The following SPATA1 variants were observed in gnomAD, a reference collection of about 807,000 sequenced individuals.
SPATA1 encodes spermatogenesis-associated protein 1.
SPATA1 carries 57 observed loss-of-function variants against 59.6 expected under a neutral mutation model. That is an observed-to-expected ratio of 0.96 (90% CI 0.77 to 1.19). The LOEUF (loss-of-function observed/expected upper bound fraction) is 1.19, where lower values mean the gene tolerates loss of function less well. Among genes scored for constraint, SPATA1 ranks in the 50% most tolerant of loss-of-function variants. SPATA1 has a pLI of 0.00. For missense variants in SPATA1, 448 were observed against 480.7 expected, an observed-to-expected ratio of 0.93 and a Z score of 0.64; for synonymous variants, 147 against 163.9, an observed-to-expected ratio of 0.90 and a Z score of 0.79.
intron 1 of SPATA1, 79 bp from the exon 2 acceptor site, chr1:84,516,144 A>G (rs982849310): frequency 6.5e-6 from 3 of 461,628 alleles, no homozygotes; most frequent in Non-Finnish European, 1.1e-5. Context: ...AATAATAAAG[A>G]TTGTATATAT....
At chr1:84,553,085 A>G in exon 13 of SPATA1, 1 of 1,529,314 alleles carries the variant, frequency 6.5e-7, no homozygotes, top group Non-Finnish European at 8.8e-7. Context: ...CTGAACTGGC[A>G]CAGAAAAAAA....
At chr1:84,559,273 G>C (rs1211198077), downstream of SPATA1, among the ~76,000 whole-genome samples, 1 of 152,120 alleles carries the variant, frequency 6.6e-6, no homozygotes, top group African/African-American at 2.4e-5. Context: ...AGTGGTCTTT[G>C]ATGCTACTAT....
chr1:84,527,176 G>T (rs1683260391), intron 6 of SPATA1, among the ~76,000 whole-genome samples: 1 of 152,070 alleles, frequency 6.6e-6, no homozygotes, highest in Admixed American at 6.5e-5. Context: ...TTTAATAGAT[G>T]TTGTCTTTAG....
At chr1:84,516,874 C>A (rs936614684) in intron 2 of SPATA1, among the ~76,000 whole-genome samples, 3 of 152,144 alleles carry the variant, frequency 2.0e-5, no homozygotes, top group Non-Finnish European at 2.9e-5. Context: ...ACTTTAAATT[C>A]ATGACCATGA....
At chr1:84,558,078 A>C (rs934430832), downstream of SPATA1, among the ~76,000 whole-genome samples, 7 of 152,090 alleles carry the variant, frequency 4.6e-5, no homozygotes, top group African/African-American at 1.4e-4. Context: ...AAATACAAGA[A>C]ATCTACTGTA....
At chr1:84,552,850 T>C in intron 12 of SPATA1, 1 of 515,160 alleles carries the variant, frequency 1.9e-6, no homozygotes, top group Non-Finnish European at 3.4e-6. Flanking sequence ...TAGATAAGCA[T>C]GCTTATTAAA....
chr1:84,508,800 A>G (rs1039634972), intron 1 of SPATA1, among the ~76,000 whole-genome samples: 1 of 152,214 alleles, frequency 6.6e-6, no homozygotes, highest in Non-Finnish European at 1.5e-5. Flanking sequence ...AAGGAAATTG[A>G]AGTTTGGAGA....
At chr1:84,545,898 C>A in intron 10 of SPATA1, 139 bp downstream of exon 10, 1 of 560,158 alleles carries the variant, frequency 1.8e-6, no homozygotes, top group Non-Finnish European at 2.7e-6. Flanking sequence ...TGATTAAGTT[C>A]AATATAGAAA....
At chr1:84,546,110 C>T (rs1270459402) in intron 10 of SPATA1, among the ~76,000 whole-genome samples, 1 of 152,132 alleles carries the variant, frequency 6.6e-6, no homozygotes, top group African/African-American at 2.4e-5. Flanking sequence ...TTGTCCCTGC[C>T]CACATAGATC....
At position 84,520,676 on chromosome 1, in the gene SPATA1, C is replaced by A; in HGVS notation, c.128C>A (p.Ser43Ter). 3.2e-6 allele frequency: 5 copies of A among 1,561,482 alleles called. No individual in the cohort carries two copies. Among genetic ancestry groups the A allele is most frequent in the Admixed American group, 1.9e-5 (1 of 51,516 alleles). ...ACAGAAGTTGTTAACAAATTCATTT[C>A]AGCTGGATTTCTAAGGCAAGTGTTG... Residue 43 changes from serine (S) to a stop codon, truncating the protein, a stop_gained, in exon 3 of 13, where the codon TCA (serine) becomes TAA (stop). Coordinates refer to ENST00000490879, the Ensembl canonical transcript of SPATA1. LOFTEE classifies it high-confidence loss of function.
exon 13 of SPATA1, chr1:84,553,741 C>A (rs151000202): frequency 6.6e-6 from 1 of 152,034 alleles, no homozygotes; most frequent in African/African-American, 2.4e-5. Flanking sequence ...ATTCTCATAA[C>A]AGATGGTTCA....
At chr1:84,539,474 T>TA (rs1683830535) in intron 8 of SPATA1, among the ~76,000 whole-genome samples, 1 of 152,242 alleles carries the variant, frequency 6.6e-6, no homozygotes, top group African/African-American at 2.4e-5. Context: ...TCCTCAATAA[T>TA]ACATACTGTC....
rs142765367 is a variant in SPATA1, at chr1:84,549,234, G to C, written c.1125+270G>C. On this transcript the variant is annotated intron_variant, in intron 11 of 12. Transcript: ENST00000490879. ...AAGACTGCTTCTAATAGTAGCAATA[G>C]AGTGGTCAAGGGCAAGTAGGGCTTT... is the stretch of plus-strand genomic sequence containing the variant. Among the ~76,000 whole-genome samples the C allele has an allele frequency of 3.2e-3, 480 of 152,198 alleles. 1 individual carries two copies. The highest frequency in any genetic ancestry group is 0.011 in the African/African-American group (464 of 41,534).
chr1:84,512,245 T>A (rs1682597986), intron 1 of SPATA1, among the ~76,000 whole-genome samples: 1 of 152,230 alleles, frequency 6.6e-6, no homozygotes, highest in East Asian at 1.9e-4. Context: ...TTTCACTTGT[T>A]GCATTCCTTG....
chr1:84,537,577 A>G (rs1683748789), intron 8 of SPATA1, among the ~76,000 whole-genome samples: 1 of 152,136 alleles, frequency 6.6e-6, no homozygotes. Flanking sequence ...AAACCCTGTC[A>G]CTCAGCCACA....
chr1:84,544,117 G>A (rs1036438387), intron 8 of SPATA1, 85 bp from the exon 9 acceptor site: 1 of 858,450 alleles, frequency 1.2e-6, no homozygotes, highest in Middle Eastern at 2.2e-4. Flanking sequence ...TGCATTTCTG[G>A]TTTGCATTAT....
At chr1:84,536,847 G>A (rs1214855778) in intron 8 of SPATA1, among the ~76,000 whole-genome samples, 1 of 151,416 alleles carries the variant, frequency 6.6e-6, no homozygotes, top group African/African-American at 2.4e-5. Flanking sequence ...ATGGAATGAA[G>A]ATAGGACTAT....
chr1:84,523,353 A>C (rs770090075), intron 4 of SPATA1, among the ~76,000 whole-genome samples: 1 of 152,138 alleles, frequency 6.6e-6, no homozygotes, highest in Non-Finnish European at 1.5e-5. Flanking sequence ...TATCTACATA[A>C]ATTTTATTTC....
chr1:84,563,137 C>T, intron 4 of SPATA1: 1 of 561,622 alleles, frequency 1.8e-6, no homozygotes, highest in Non-Finnish European at 2.8e-6. Flanking sequence ...ATGTAAATAG[C>T]AGTCTGCATG....
Sources: gnomAD v4.1 joint callset for allele counts (sites outside exome capture counted in the v4.1 genomes callset) on GRCh38, gnomAD v4.1.1 for gene constraint, MANE v1.5 for transcripts, NCBI Gene and HGNC (gene_info 2026-07-23, HGNC 2026-07-21) for gene names.